Variants in KLRD1 observed in about 807,000 individuals in gnomAD.
KLRD1 encodes killer cell lectin like receptor D1, also known as natural killer cells antigen CD94.
Under a neutral mutation model 22.6 loss-of-function variants are expected in KLRD1, and 21 were observed. The ratio of observed to expected loss-of-function variants is 0.93; its 90% CI spans 0.66 to 1.34. The LOEUF is 1.34. Ranked by LOEUF, KLRD1 falls within the 40% of genes most tolerant of loss-of-function variation. The pLI is 0.00. For synonymous variants in KLRD1, 59 were observed against 71.1 expected (o/e 0.83, Z 0.85); for missense variants, 183 against 208.6 (o/e 0.88, Z 0.76).
chr12:10,243,631 A>AG lies in KLRD1; in HGVS notation c.-101+17398_-101+17399insG, dbSNP rs1555099483. Among the ~76,000 whole-genome samples, 345 of 118,774 alleles carry AG rather than the reference A, an allele frequency of 2.9e-3. 56 individuals are homozygous for AG. In the East Asian group the frequency reaches 0.082, roughly 28 times the overall value. 77.9% of individuals were successfully genotyped at this position (118,774 alleles called of 152,430 possible). A position where few individuals can be genotyped will look rare whatever the true frequency, so the allele number is the denominator to read the frequency against. On this transcript the variant is annotated intron_variant, in intron 1 of 5. Transcript: ENST00000544747. ...CCAAAAAAAAAAAAAAAAAAAAAAA[A>AG]AACCGAAATGAAAGATATGGAACAA...
intron 1 of KLRD1, among the ~76,000 whole-genome samples, chr12:10,279,135 A>G (rs112045181): frequency 0.012 from 1,810 of 151,552 alleles, 36 homozygotes; most frequent in African/African-American, 0.042. Flanking sequence ...TTTGATCCTC[A>G]CCCTCCTTCT....
At position 10,294,970 on chromosome 12, in the gene KLRD1, A is replaced by G. The variant is rs1263847788; in HGVS notation, c.-100-13008A>G. 2.6e-5 allele frequency among the ~76,000 whole-genome samples: 4 copies of G among 152,340 alleles called. 1 individual carries two copies. In the Middle Eastern group the frequency reaches 0.01, roughly 389 times the overall value. Reference sequence around the variant, plus strand: ...AGACAGCGCTAACATCTATAAAGAGAAAGAGGGTAGTAATTGGAAGGTTAA... The same window carrying G: ...AGACAGCGCTAACATCTATAAAGAGGAAGAGGGTAGTAATTGGAAGGTTAA... On this transcript the variant is annotated intron_variant, in intron 1 of 5. Coordinates refer to the KLRD1 transcript ENST00000544747.
At chr12:10,313,274 T>C (rs1478203825) in intron 4 of KLRD1, 136 bp from the exon 5 acceptor site, 1 of 496,072 alleles carries the variant, frequency 2.0e-6, no homozygotes, top group Non-Finnish European at 3.6e-6. Context: ...ACCTTTTAAA[T>C]AGGAAGTTAA....
chr12:10,245,792 T>C (rs944363492), intron 1 of KLRD1, among the ~76,000 whole-genome samples: 18 of 152,152 alleles, frequency 1.2e-4, no homozygotes, highest in Non-Finnish European at 2.9e-5. Flanking sequence ...TTTCTCTCTT[T>C]TCATGTTTTA....
intron 1 of KLRD1, among the ~76,000 whole-genome samples, chr12:10,277,838 T>A (rs954552606): frequency 3.9e-5 from 6 of 152,240 alleles, no homozygotes; most frequent in African/African-American, 1.4e-4. Flanking sequence ...TAGTGCAGAC[T>A]CAATCAACAG....
chr12:10,252,226 C>G (rs948737833), intron 1 of KLRD1, among the ~76,000 whole-genome samples: 2 of 152,142 alleles, frequency 1.3e-5, no homozygotes, highest in Admixed American at 6.5e-5. Context: ...CCCTTGAACT[C>G]AGGATTTTGA....
chr12:10,272,644 A>G (rs1056301520), intron 1 of KLRD1, among the ~76,000 whole-genome samples: 9 of 152,194 alleles, frequency 5.9e-5, no homozygotes, highest in South Asian at 4.1e-4. Flanking sequence ...GTAAGGGCCA[A>G]TGAGCACAGG....
intron 1 of KLRD1, among the ~76,000 whole-genome samples, chr12:10,258,797 T>A (rs1044618271): frequency 1.4e-4 from 22 of 152,154 alleles, no homozygotes; most frequent in Non-Finnish European, 8.8e-5. Context: ...ACTCTTAATA[T>A]GACTTCTTCA....
intron 1 of KLRD1, among the ~76,000 whole-genome samples, chr12:10,277,667 A>G (rs1949604329): frequency 6.6e-6 from 1 of 152,236 alleles, no homozygotes; most frequent in Non-Finnish European, 1.5e-5. Context: ...GAGAATCACA[A>G]TTAAAATGTA....
At chr12:10,254,738 G>A (rs1274989833) in intron 1 of KLRD1, among the ~76,000 whole-genome samples, 1 of 151,064 alleles carries the variant, frequency 6.6e-6, no homozygotes, top group African/African-American at 2.4e-5. Flanking sequence ...AAAATACAAG[G>A]AAAAATTAGC....
chr12:10,296,092 T>G (rs1419127959), intron 1 of KLRD1, among the ~76,000 whole-genome samples: 1 of 152,220 alleles, frequency 6.6e-6, no homozygotes, highest in Non-Finnish European at 1.5e-5. Context: ...ATGGGTCCAT[T>G]ATTTTAAGAA....
intron 1 of KLRD1, among the ~76,000 whole-genome samples, chr12:10,290,144 G>C (rs914277357): frequency 6.7e-6 from 1 of 149,882 alleles, no homozygotes; most frequent in East Asian, 2.0e-4. Context: ...CAACAACAAG[G>C]CAGTTTCCAA....
chr12:10,266,717 G>C (rs960351970), intron 1 of KLRD1, among the ~76,000 whole-genome samples: 1 of 151,294 alleles, frequency 6.6e-6, no homozygotes, highest in African/African-American at 2.4e-5. Flanking sequence ...ACATATATAT[G>C]CACACATTAT....
chr12:10,311,343 G>A lies in KLRD1; in HGVS notation c.164-121G>A, dbSNP rs988570814. ...ACATTAGTAGCCCCTGAAGTGTGGT[G>A]TATACAGTAGATTCTGAATGTTAAA... On this transcript the variant is annotated intron_variant, in intron 3 of 5. Transcript: ENST00000336164. 1.5e-5 allele frequency: 13 copies of A among 853,148 alleles called. 1 individual carries two copies. The highest frequency in any genetic ancestry group is 1.8e-5 in the Non-Finnish European group (10 of 548,102). 52.8% of individuals were successfully genotyped at this position (853,148 alleles called of 1,614,324 possible).
chr12:10,280,879 A>C (rs1949634517), intron 1 of KLRD1, among the ~76,000 whole-genome samples: 1 of 152,190 alleles, frequency 6.6e-6, no homozygotes, highest in Non-Finnish European at 1.5e-5. Flanking sequence ...TTGCACATCC[A>C]TATAATAAAC....
In KLRD1 at chr12:10,311,544, T is replaced by G; in HGVS notation, c.244T>G (p.Trp82Gly). ...CTTCATTTCCAGTGAACAGAAAACT[T>G]GGAACGAAAGTCGGCATCTCTGTGC... ...CYFISSEQKT[W>G]NESRHLCASQ... is the part of the protein sequence containing the mutation. Residue 82 changes from tryptophan (W) to glycine (G), a missense_variant, in exon 4 of 6, where the codon TGG becomes GGG. Transcript: ENST00000336164. 6.2e-7 allele frequency: 1 copy of G among 1,614,116 alleles called. No individual in the cohort carries two copies. The highest frequency in any genetic ancestry group is 1.1e-5 in the South Asian group (1 of 91,080).
chr12:10,278,812 T>G (rs1478614402), intron 1 of KLRD1, among the ~76,000 whole-genome samples: 2 of 152,172 alleles, frequency 1.3e-5, no homozygotes, highest in Admixed American at 1.3e-4. Context: ...TTTTGTTTTT[T>G]CCTGTATGAA....
chr12:10,282,792 G>A (rs1478823301), intron 1 of KLRD1, among the ~76,000 whole-genome samples: 3 of 152,128 alleles, frequency 2.0e-5, no homozygotes, highest in Non-Finnish European at 4.4e-5. Flanking sequence ...GACGTTTGAC[G>A]TAGAGAGTCT....
chr12:10,266,305 G>A (rs1433588946), intron 1 of KLRD1, among the ~76,000 whole-genome samples: 1 of 151,940 alleles, frequency 6.6e-6, no homozygotes, highest in East Asian at 1.9e-4. Context: ...GTATGAGAGG[G>A]TCCATTCTCC....
Sources: gnomAD v4.1 joint callset for allele counts (sites outside exome capture counted in the v4.1 genomes callset) on GRCh38, gnomAD v4.1.1 for gene constraint, MANE v1.5 for transcripts, NCBI Gene and HGNC (gene_info 2026-07-23, HGNC 2026-07-21) for gene names.